Variants in PPFIA2 observed in about 807,000 individuals in gnomAD.
The protein encoded by PPFIA2 is PPFI scaffold protein A2.
In PPFIA2, 46 loss-of-function variants were observed where a neutral mutation model predicts 175.5. The ratio of observed to expected loss-of-function variants is 0.26; its 90% CI spans 0.21 to 0.34. The LOEUF (loss-of-function observed/expected upper bound fraction) is 0.34. Ranked by LOEUF, PPFIA2 falls within the 10% of genes least tolerant of loss-of-function variation. PPFIA2 has a pLI of 1.00. For synonymous variants in PPFIA2, 568 were observed against 511.4 expected, an observed-to-expected ratio of 1.11 and a Z score of -1.49; for missense variants, 1,179 against 1,506.1, an observed-to-expected ratio of 0.78 and a Z score of 3.60.
intron 3 of PPFIA2, among the ~76,000 whole-genome samples, chr12:81,681,578 C>A (rs537200738): frequency 2.0e-5 from 3 of 151,996 alleles, no homozygotes; most frequent in East Asian, 3.9e-4. Flanking sequence ...TGCTCCCTGG[C>A]CTCCTGCTTC....
chr12:81,592,560 T>C (rs1476723848), intron 4 of PPFIA2, among the ~76,000 whole-genome samples: 1 of 152,116 alleles, frequency 6.6e-6, no homozygotes, highest in Non-Finnish European at 1.5e-5. Flanking sequence ...ATTCTCATGA[T>C]AGTGAATGAG....
At chr12:81,664,388 C>G (rs1389142569) in intron 4 of PPFIA2, among the ~76,000 whole-genome samples, 3 of 152,046 alleles carry the variant, frequency 2.0e-5, no homozygotes, top group Non-Finnish European at 4.4e-5. Context: ...AGGATATGAA[C>G]AGACACTTCT....
In PPFIA2 at chr12:81,459,084, G is replaced by C. The variant is rs1023656052; in HGVS notation, c.304-1218C>G. On this transcript the variant is annotated intron_variant, in intron 4 of 32. Coordinates refer to ENST00000549396, the MANE Select transcript of PPFIA2 (RefSeq NM_003625.5). ...TTATTTTGCTTAGTTTCTCTAAAGG[G>C]CTTCAGCCCAAGTGAGTACTTCAAA... Among the ~76,000 whole-genome samples, 27 of 152,232 alleles carry C rather than the reference G, an allele frequency of 1.8e-4. 1 individual carries two copies. The highest frequency in any genetic ancestry group is 4.2e-4 in the South Asian group (2 of 4,818).
At chr12:81,383,971 C>T in intron 9 of PPFIA2, 52 bp downstream of exon 9, 1 of 1,409,004 alleles carries the variant, frequency 7.1e-7, no homozygotes, top group Non-Finnish European at 1.0e-6. Context: ...GAAACAGTAT[C>T]TCAGAAGCAG....
chr12:81,341,122 T>C lies in PPFIA2; in HGVS notation c.2349A>G (p.Arg783=), dbSNP rs762693106. The change falls in exon 20 of 33, where the codon AGA becomes AGG. Residue 783 remains arginine, a synonymous_variant. Coordinates refer to ENST00000549396, the MANE Select transcript of PPFIA2 (RefSeq NM_003625.5). ...AGGAAGAAGGGAGAGTGTGAGTCAT[T>C]CTGAGGGCTCTAGGGGTAGGAGGAG... The part of the protein sequence containing the change: ...TSPPPTPRAL[R]MTHTLPSSYH... 2 of 1,611,344 alleles carry C rather than the reference T, an allele frequency of 1.2e-6. No homozygotes were observed.
chr12:81,283,165 A>T, intron 25 of PPFIA2, 126 bp from the exon 26 acceptor site: 1 of 865,894 alleles, frequency 1.2e-6, no homozygotes. Context: ...CAGGTAGAAT[A>T]AACACACAGA....
chr12:81,614,892 G>A (rs558592380), intron 4 of PPFIA2, among the ~76,000 whole-genome samples: 22 of 152,048 alleles, frequency 1.4e-4, no homozygotes, highest in African/African-American at 4.6e-4. Flanking sequence ...GATAAATTAC[G>A]CAACTTGTCT....
intron 4 of PPFIA2, among the ~76,000 whole-genome samples, chr12:81,508,019 C>T (rs2061361856): frequency 6.6e-6 from 1 of 152,166 alleles, no homozygotes. Flanking sequence ...TCTACTCCTA[C>T]TTCTGACATA....
intron 25 of PPFIA2, among the ~76,000 whole-genome samples, chr12:81,283,977 G>T (rs2042684354): frequency 1.3e-5 from 2 of 152,142 alleles, no homozygotes; most frequent in South Asian, 2.1e-4. Flanking sequence ...TTCCAATGTT[G>T]CAACATGAAT....
At chr12:81,574,451 T>C (rs2073139816) in intron 4 of PPFIA2, among the ~76,000 whole-genome samples, 1 of 151,792 alleles carries the variant, frequency 6.6e-6, no homozygotes, top group Admixed American at 6.6e-5. Flanking sequence ...AAAAATCCCA[T>C]AAAATAGAAA....
chr12:81,456,831 G>A (rs1246959516), intron 5 of PPFIA2, among the ~76,000 whole-genome samples: 1 of 151,884 alleles, frequency 6.6e-6, no homozygotes, highest in African/African-American at 2.4e-5. Flanking sequence ...GAAAATACAT[G>A]GGTTTCCAAA....
chr12:81,352,938 A>G (rs958255070), intron 17 of PPFIA2, among the ~76,000 whole-genome samples, 181 bp downstream of exon 17: 3 of 152,174 alleles, frequency 2.0e-5, no homozygotes, highest in Admixed American at 2.0e-4. Flanking sequence ...GAGATATACA[A>G]TATCCTGGGA....
chr12:81,337,761 C>G (rs1397986459), intron 21 of PPFIA2, among the ~76,000 whole-genome samples: 1 of 151,994 alleles, frequency 6.6e-6, no homozygotes, highest in African/African-American at 2.4e-5. Context: ...TCAAAAATAA[C>G]CACTCACACT....
At chr12:81,262,132 T>C in intron 31 of PPFIA2, 92 bp from the exon 32 acceptor site, 1 of 866,864 alleles carries the variant, frequency 1.2e-6, no homozygotes, top group Non-Finnish European at 1.9e-6. Context: ...ATACAGGGAT[T>C]CCGAACATAT....
At chr12:81,271,073 G>C (rs1210851789) in intron 28 of PPFIA2, among the ~76,000 whole-genome samples, 1 of 152,090 alleles carries the variant, frequency 6.6e-6, no homozygotes, top group African/African-American at 2.4e-5. Context: ...TTGAAAGTGT[G>C]TCCATTGTAT....
intron 7 of PPFIA2, among the ~76,000 whole-genome samples, chr12:81,426,033 G>A (rs2047079682): frequency 6.6e-6 from 1 of 152,120 alleles, no homozygotes; most frequent in Admixed American, 6.5e-5. Context: ...ATTTTAAAGT[G>A]AGGCTGACTA....
intron 4 of PPFIA2, among the ~76,000 whole-genome samples, chr12:81,463,801 T>C (rs2055088582): frequency 6.6e-6 from 1 of 152,104 alleles, no homozygotes; most frequent in African/African-American, 2.4e-5. Context: ...TCTATCCCTC[T>C]CAATAGTAAT....
chr12:81,481,289 C>T (rs544311803), intron 4 of PPFIA2, among the ~76,000 whole-genome samples: 14 of 152,112 alleles, frequency 9.2e-5, no homozygotes, highest in Middle Eastern at 3.4e-3. Context: ...ATAGGAAGAA[C>T]GAATATCGTG....
chr12:81,544,822 C>T lies in PPFIA2; in HGVS notation c.304-86956G>A, dbSNP rs374016129. On this transcript the variant is annotated intron_variant, in intron 4 of 32. Coordinates refer to ENST00000549396, the MANE Select transcript of PPFIA2 (RefSeq NM_003625.5). Reference sequence around the variant, plus strand: ...CCTATACAAGCTGCTTCCAAATCACCGTCATTACTACTGAAGAATTCAAAG... The same window carrying T: ...CCTATACAAGCTGCTTCCAAATCACTGTCATTACTACTGAAGAATTCAAAG... Among the ~76,000 whole-genome samples the T allele has an allele frequency of 9.9e-5, 15 of 152,176 alleles. No individual in the cohort carries two copies. In the East Asian group the frequency reaches 1.5e-3, roughly 16 times the overall value.
Sources: gnomAD v4.1 joint callset for allele counts (sites outside exome capture counted in the v4.1 genomes callset) on GRCh38, gnomAD v4.1.1 for gene constraint, MANE v1.5 for transcripts, NCBI Gene and HGNC (gene_info 2026-07-23, HGNC 2026-07-21) for gene names.